The following KMT5C variants were observed in gnomAD, a reference collection of about 807,000 sequenced individuals.
The protein encoded by KMT5C is lysine methyltransferase 5C.
A neutral mutation model predicts 38.2 loss-of-function variants in KMT5C; 16 were observed. That is an observed-to-expected ratio of 0.42 (90% CI 0.28 to 0.64). The LOEUF is 0.64. Ranked by LOEUF, KMT5C falls within the 30% of genes least tolerant of loss-of-function variation. The pLI, the probability that KMT5C is intolerant of heterozygous loss-of-function variation, is 0.23. For synonymous variants in KMT5C, 291 were observed against 279.0 expected, an observed-to-expected ratio of 1.04 and a Z score of -0.43; for missense variants, 598 against 665.1, an observed-to-expected ratio of 0.90 and a Z score of 1.11.
intron 1 of KMT5C, among the ~76,000 whole-genome samples, chr19:55,340,809 C>T (rs1010885976): frequency 6.6e-6 from 1 of 151,892 alleles, no homozygotes; most frequent in Non-Finnish European, 1.5e-5. Context: ...CTCTGAGCGC[C>T]CCCAGGCCCG....
intron 6 of KMT5C, chr19:55,344,317 G>A (rs561123070): frequency 2.4e-4 from 66 of 280,570 alleles, no homozygotes; most frequent in South Asian, 3.9e-4. Flanking sequence ...AGCCGAGATC[G>A]CGCCACTGCA....
In KMT5C at chr19:55,346,645, G is replaced by A. The variant is rs1192783934; in HGVS notation, c.853G>A (p.Ala285Thr). The A allele has an allele frequency of 5.1e-6, 8 of 1,576,786 alleles. No individual in the cohort carries two copies. The highest frequency in any genetic ancestry group is 6.9e-6 in the Non-Finnish European group (8 of 1,162,220). Residue 285 changes from alanine to threonine, a missense_variant, in exon 8 of 9, where the codon GCC becomes ACC. Ala to Thr is a moderately conservative substitution (Grantham distance 58, BLOSUM62 0). Transcript: ENST00000255613. The stretch of plus-strand genomic sequence containing the variant: ...CCGACAGGGCCTGCTGGGCCCTCGG[G>A]CCTGCGTGCACCCATCCCCGCTGCG... ...GSRQGLLGPRACVHPSPLRRD... is the reference protein window; with the variant it reads ...GSRQGLLGPRTCVHPSPLRRD...
intron 3 of KMT5C, 62 bp downstream of exon 3, chr19:55,342,442 C>A: frequency 7.6e-7 from 1 of 1,316,774 alleles, no homozygotes. Context: ...CGGGCCTGGT[C>A]CCGCCTGGCA....
At position 55,347,738 on chromosome 19, in the gene KMT5C, C is replaced by T; in HGVS notation, c.*289C>T. ...TGCAGGAGCCATCCGCCCCCCTCAG[C>T]CCCTTCCTCCCCAGGGAGCAAAGCC... On this transcript the variant is annotated 3_prime_UTR_variant, in exon 9 of 9. Transcript: ENST00000255613. The surrounding 1 kb of genome is among the most constrained non-coding windows in gnomAD (Gnocchi z 4.6). 1 of 445,906 alleles carries T rather than the reference C, an allele frequency of 2.2e-6. No homozygotes were observed. Among genetic ancestry groups the T allele is most frequent in the Non-Finnish European group, 3.9e-6 (1 of 255,138 alleles). 27.6% of individuals were successfully genotyped at this position (445,906 alleles called of 1,614,324 possible).
At position 55,347,518 on chromosome 19, in the gene KMT5C, A is replaced by AGGTCCT; in HGVS notation, c.*71_*72insTCCTGG. The stretch of plus-strand genomic sequence containing the variant: ...CTAGCTGCTACCCAGGACCTCCAGA[A>AGGTCCT]GGAGCCCTTGGACCTCTGGGAGGGA... On this transcript the variant is annotated 3_prime_UTR_variant, in exon 9 of 9. Coordinates refer to ENST00000255613, the MANE Select transcript of KMT5C (RefSeq NM_032701.4). The surrounding 1 kb of genome is among the most constrained non-coding windows in gnomAD (Gnocchi z 4.6). 1 of 1,475,542 alleles carries AGGTCCT rather than the reference A, an allele frequency of 6.8e-7. No homozygotes were observed. The allele number at this position is 1,475,542 out of a possible 1,614,324, so 91.4% of individuals were successfully genotyped here. A position where few individuals can be genotyped will look rare whatever the true frequency, so the allele number is the denominator to read the frequency against.
At position 55,343,154 on chromosome 19, in the gene KMT5C, A is replaced by T; in HGVS notation, c.386+303A>T. On this transcript the variant is annotated intron_variant, in intron 4 of 8. Transcript: ENST00000255613. The surrounding 1 kb of genome is among the most constrained non-coding windows in gnomAD (Gnocchi z 5.5). ...CCTGAGCCCCCACCACATGTTAAAC[A>T]CCCCTGAGTGCAATGAGGAGCCCCT... is the stretch of plus-strand genomic sequence containing the variant. The T allele has an allele frequency of 2.9e-6, 1 of 346,070 alleles. No homozygotes were observed. Among genetic ancestry groups the T allele is most frequent in the Non-Finnish European group, 5.4e-6 (1 of 184,310 alleles). The allele number at this position is 346,070 out of a possible 1,614,324, so 21.4% of individuals were successfully genotyped here.
Position 55,346,958 on chromosome 19 carries a change from G to A in KMT5C, c.898G>A (p.Ala300Thr), listed in dbSNP as rs757458096. The part of the protein sequence containing the change: ...SPLRRDPFCA[A>T]CQPLRLPACS... ...CCCTGCCACCTGGGCCTTCACAGCC[G>A]CCTGCCAGCCCCTGCGCCTGCCAGC... The change falls in exon 9 of 9, where the codon GCC (alanine) becomes ACC (threonine). Residue 300 changes from alanine to threonine, a missense_variant and splice_region_variant. Physicochemically the swap from Ala to Thr is moderately conservative, Grantham distance 58. Transcript: ENST00000255613. 1.0e-5 allele frequency: 10 copies of A among 958,844 alleles called. No homozygotes were observed. The East Asian group carries it at 1.2e-4, about 11-fold the overall frequency. 59.4% of individuals were successfully genotyped at this position (958,844 alleles called of 1,614,324 possible).
At position 55,343,001 on chromosome 19, in the gene KMT5C, G is replaced by A. The variant is rs139294851; in HGVS notation, c.386+150G>A. 1.9e-3 allele frequency: 1,168 copies of A among 628,146 alleles called. 7 individuals are homozygous for A. In the African/African-American group the frequency reaches 0.019, roughly 10 times the overall value. The allele number at this position is 628,146 out of a possible 1,614,324, so 38.9% of individuals were successfully genotyped here. A position where few individuals can be genotyped will look rare whatever the true frequency, so the allele number is the denominator to read the frequency against. ...CTAGGAAGGTGGTGGGGCTAATCCC[G>A]GAAGACCTTTGTGGCTACCGTGGTG... On this transcript the variant is annotated intron_variant, in intron 4 of 8. Coordinates refer to ENST00000255613, the MANE Select transcript of KMT5C (RefSeq NM_032701.4). The surrounding 1 kb of genome is among the most constrained non-coding windows in gnomAD (Gnocchi z 5.5).
At position 55,343,423 on chromosome 19, in the gene KMT5C, T is replaced by TG. The variant is rs2089583217; in HGVS notation, c.387-252dup. ...GTGCTATGAGAGCGAGGGGAGAGAA[T>TG]GGGGGCTGTATCTGCTGTGTGCGTG... On this transcript the variant is annotated intron_variant, in intron 4 of 8. Transcript: ENST00000255613. The surrounding 1 kb of genome is among the most constrained non-coding windows in gnomAD (Gnocchi z 5.5). 1.9e-6 allele frequency: 1 copy of TG among 530,188 alleles called. No homozygotes were observed. The highest frequency in any genetic ancestry group is 1.9e-5 in the African/African-American group (1 of 52,124). The allele number at this position is 530,188 out of a possible 1,614,324, so 32.8% of individuals were successfully genotyped here. A position where few individuals can be genotyped will look rare whatever the true frequency, so the allele number is the denominator to read the frequency against.
chr19:55,344,056 G>A, intron 6 of KMT5C, 59 bp downstream of exon 6: 1 of 1,579,700 alleles, frequency 6.3e-7, no homozygotes, highest in Non-Finnish European at 8.7e-7. Context: ...CCTGTGGCCT[G>A]GGGAAAGGGT....
chr19:55,347,285 CT>C lies in KMT5C; in HGVS notation c.1226del (p.Leu409ArgfsTer19), dbSNP rs1442919365. On this transcript the variant is annotated frameshift_variant, in exon 9 of 9. Transcript: ENST00000255613. LOFTEE classifies it high-confidence loss of function. The surrounding 1 kb of genome is among the most constrained non-coding windows in gnomAD (Gnocchi z 4.6). ...PYVVRVDLRR[L>X]APAPPATPAP... ...CGTGGTGCGTGTGGACCTTCGTCGC[CT>C]GGCCCCAGCCCCACCAGCTACCCCA... The C allele has an allele frequency of 1.3e-6, 2 of 1,562,482 alleles. No homozygotes were observed. Among genetic ancestry groups the C allele is most frequent in the African/African-American group, 2.7e-5 (2 of 73,940 alleles).
chr19:55,341,927 G>T lies in KMT5C; in HGVS notation c.-10G>T, dbSNP rs781574861. ...CTCTCTGCCAGAGGCAGCATGGTCC[G>T]CAGGGCACCATGGGGCCCGACAGAG... On this transcript the variant is annotated 5_prime_UTR_variant, in exon 2 of 9. Transcript: ENST00000255613. 24 of 1,605,946 alleles carry T rather than the reference G, an allele frequency of 1.5e-5. No individual in the cohort carries two copies. Among genetic ancestry groups the T allele is most frequent in the Non-Finnish European group, 1.9e-5 (22 of 1,173,256 alleles).
rs190963272 is a variant in KMT5C at position 55,343,186 on chromosome 19, G to T, written c.386+335G>T. On this transcript the variant is annotated intron_variant, in intron 4 of 8. Coordinates refer to ENST00000255613, the MANE Select transcript of KMT5C (RefSeq NM_032701.4). The surrounding 1 kb of genome is among the most constrained non-coding windows in gnomAD (Gnocchi z 5.5). The stretch of plus-strand genomic sequence containing the variant: ...AGTGCAATGAGGAGCCCCTGCCCCT[G>T]CCCCTGCGGGGTTCACAGTCTGGTG... The T allele has an allele frequency of 1.4e-4, 50 of 356,970 alleles. No homozygotes were observed. Among genetic ancestry groups the T allele is most frequent in the African/African-American group, 9.9e-4 (47 of 47,294 alleles). The allele number at this position is 356,970 out of a possible 1,614,324, so 22.1% of individuals were successfully genotyped here.
At position 55,347,013 on chromosome 19, in the gene KMT5C, T is replaced by G. The variant is rs1271518207; in HGVS notation, c.953T>G (p.Leu318Arg). 7.1e-7 allele frequency: 1 copy of G among 1,409,162 alleles called. No homozygotes were observed. The highest frequency in any genetic ancestry group is 1.4e-5 in the African/African-American group (1 of 70,964). 87.3% of individuals were successfully genotyped at this position (1,409,162 alleles called of 1,614,324 possible). The stretch of plus-strand genomic sequence containing the variant: ...AGCGCCCGCCCAGACACCTCACCCC[T>G]CTGGCTCCAGTGGCTGCCTCAGCCC... The part of the protein sequence containing the change: ...ACSARPDTSP[L>R]WLQWLPQPQP... The change falls in exon 9 of 9, where the codon CTC (leucine) becomes CGC (arginine). Residue 318 changes from leucine to arginine, a missense_variant. Physicochemically the swap from Leu to Arg is moderately radical, Grantham distance 102. Coordinates refer to ENST00000255613, the MANE Select transcript of KMT5C (RefSeq NM_032701.4). The surrounding 1 kb of genome is among the most constrained non-coding windows in gnomAD (Gnocchi z 4.6).
In KMT5C at chr19:55,347,585, G is replaced by A. The variant is rs2089637063; in HGVS notation, c.*136G>A. On this transcript the variant is annotated 3_prime_UTR_variant, in exon 9 of 9. Coordinates refer to ENST00000255613, the MANE Select transcript of KMT5C (RefSeq NM_032701.4). This position sits in a 1 kb window ranked among gnomAD's most constrained non-coding sequence, Gnocchi z 4.6. The stretch of plus-strand genomic sequence containing the variant: ...AGCATAGCTCTGACCCTGGAATGGG[G>A]TTGGTTTGGACACCCCCAGGGATCT... The A allele has an allele frequency of 7.2e-7, 1 of 1,383,390 alleles. No homozygotes were observed. The highest frequency in any genetic ancestry group is 1.5e-5 in the African/African-American group (1 of 67,224). The allele number at this position is 1,383,390 out of a possible 1,614,324, so 85.7% of individuals were successfully genotyped here.
rs200873155 is a variant in KMT5C, at chr19:55,341,972, C to T, written c.36C>T (p.Cys12=). Residue 12 remains cysteine (C), a synonymous_variant, in exon 2 of 9, where the codon TGC becomes TGT. Transcript: ENST00000255613. ...ACAGAGTGACAGCACGAGAACTGTG[C>T]GAGAACGACGACCTGGCCACCAGCC... ...GPDRVTAREL[C]ENDDLATSLV... is the part of the protein sequence containing the mutation. The T allele has an allele frequency of 4.8e-5, 78 of 1,613,528 alleles. 1 individual carries two copies. The highest frequency in any genetic ancestry group is 4.0e-4 in the South Asian group (36 of 91,086).
chr19:55,340,862 G>T (rs1057016346), intron 1 of KMT5C, among the ~76,000 whole-genome samples: 1 of 127,294 alleles, frequency 7.9e-6, no homozygotes, highest in Admixed American at 8.4e-5. Context: ...CGTGCCCACC[G>T]CTGTGCGTTT....
In KMT5C at chr19:55,342,041, C is replaced by A; in HGVS notation, c.105C>A (p.Asn35Lys). The change falls in exon 2 of 9, where the codon AAC becomes AAA. Residue 35 changes from asparagine (N) to lysine (K), a missense_variant. Coordinates refer to ENST00000255613, the MANE Select transcript of KMT5C (RefSeq NM_032701.4). ...TCGGTTTCCGCACCCATAAGATGAACGTCAGGTGAGGTGGCCTGGGGGCGA... is the reference window on the plus strand; with the variant it reads ...TCGGTTTCCGCACCCATAAGATGAAAGTCAGGTGAGGTGGCCTGGGGGCGA... ...PYLGFRTHKM[N>K]VSPVPPLRRQ... 1 of 1,612,670 alleles carries A rather than the reference C, an allele frequency of 6.2e-7. No homozygotes were observed. Among genetic ancestry groups the A allele is most frequent in the Non-Finnish European group, 8.5e-7 (1 of 1,178,984 alleles).
In KMT5C at chr19:55,343,511, C is replaced by A; in HGVS notation, c.387-169C>A. 1.5e-6 allele frequency: 1 copy of A among 670,626 alleles called. No homozygotes were observed. Among genetic ancestry groups the A allele is most frequent in the Non-Finnish European group, 2.5e-6 (1 of 398,330 alleles). The allele number at this position is 670,626 out of a possible 1,614,324, so 41.5% of individuals were successfully genotyped here. ...CTGTGGGCTGGAGCAGGGAAGCCCA[C>A]CCAGGCAGGAGGGGAAGAGGGAGAT... On this transcript the variant is annotated intron_variant, in intron 4 of 8. Transcript: ENST00000255613. This position sits in a 1 kb window ranked among gnomAD's most constrained non-coding sequence, Gnocchi z 5.5.
Sources: allele counts gnomAD v4.1 joint callset (sites outside exome capture counted in the v4.1 genomes callset), GRCh38; gene constraint gnomAD v4.1.1; non-coding constraint Gnocchi (gnomAD v3.1); transcripts MANE v1.5; gene names NCBI Gene and HGNC (gene_info 2026-07-23, HGNC 2026-07-21).